Variants in CHODL observed in about 807,000 individuals in gnomAD.
The protein encoded by CHODL is chondrolectin.
A neutral mutation model predicts 34.5 loss-of-function variants in CHODL; 29 were observed. The ratio of observed to expected loss-of-function variants is 0.84; its 90% CI spans 0.63 to 1.15. The LOEUF is 1.15. Ranked by LOEUF, CHODL falls within the 50% of genes most tolerant of loss-of-function variation. The probability of loss-of-function intolerance (pLI) is 0.00; values close to 1 mark genes in which losing one functional copy is unlikely to be tolerated. For synonymous variants in CHODL, 125 were observed against 116.1 expected, an observed-to-expected ratio of 1.08 and a Z score of -0.49; for missense variants, 332 against 332.5, an observed-to-expected ratio of 1.00 and a Z score of 0.01.
chr21:18,013,810 T>G (rs1343409184), intron 1 of CHODL, among the ~76,000 whole-genome samples: 1 of 151,714 alleles, frequency 6.6e-6, no homozygotes, highest in Admixed American at 6.6e-5. Flanking sequence ...AATTTTTGTA[T>G]TTTTAGTAGA....
intron 1 of CHODL, among the ~76,000 whole-genome samples, chr21:18,245,724 G>C (rs1270187342): frequency 1.3e-5 from 2 of 152,152 alleles, no homozygotes; most frequent in African/African-American, 4.8e-5. Flanking sequence ...CTGGACTTTG[G>C]TCCCAGCACC....
intron 1 of CHODL, among the ~76,000 whole-genome samples, chr21:18,248,706 T>TA (rs1568955323): frequency 0.02 from 2,308 of 117,868 alleles, 106 homozygotes; most frequent in African/African-American, 0.086. Flanking sequence ...TATATATGTA[T>TA]ATAATATATA....
At chr21:18,049,679 T>C (rs950151264) in intron 2 of CHODL, among the ~76,000 whole-genome samples, 7 of 151,946 alleles carry the variant, frequency 4.6e-5, no homozygotes, top group Non-Finnish European at 1.0e-4. Context: ...CACATGGCCT[T>C]TGCTCTGTGT....
At chr21:18,062,180 A>G (rs1358750193) in intron 2 of CHODL, among the ~76,000 whole-genome samples, 1 of 152,148 alleles carries the variant, frequency 6.6e-6, no homozygotes, top group Non-Finnish European at 1.5e-5. Context: ...CACAAAGTTT[A>G]AACTTTTGAG....
intron 2 of CHODL, among the ~76,000 whole-genome samples, chr21:18,229,648 G>A (rs2073961529): frequency 6.6e-6 from 1 of 152,082 alleles, no homozygotes; most frequent in Non-Finnish European, 1.5e-5. Flanking sequence ...GGGGAGAATG[G>A]ATATTTGTGG....
chr21:18,262,610 T>G (rs906789029), intron 4 of CHODL, among the ~76,000 whole-genome samples, 181 bp from the exon 5 acceptor site: 2 of 152,334 alleles, frequency 1.3e-5, no homozygotes, highest in Non-Finnish European at 2.9e-5. Flanking sequence ...GACTGAAATG[T>G]CACTATGTGG....
intron 4 of CHODL, among the ~76,000 whole-genome samples, chr21:18,261,052 C>T (rs981921454): frequency 6.6e-6 from 1 of 151,984 alleles, no homozygotes; most frequent in African/African-American, 2.4e-5. Flanking sequence ...GCTCAGATAC[C>T]CTATTGCTCA....
intron 1 of CHODL, among the ~76,000 whole-genome samples, chr21:17,938,493 T>TTTTTGAG (rs1568806953): frequency 3.7e-5 from 2 of 54,032 alleles, no homozygotes; most frequent in Admixed American, 2.7e-4. Context: ...TTTTTTTTTT[T>TTTTTGAG]AAGGAAAGGG....
At chr21:17,923,302 A>G (rs559341337) in intron 1 of CHODL, among the ~76,000 whole-genome samples, 57 of 151,130 alleles carry the variant, frequency 3.8e-4, no homozygotes, top group Non-Finnish European at 8.0e-4. Flanking sequence ...CAAAGTCTGC[A>G]TTATCACCAT....
At chr21:18,111,005 T>C (rs1324616451) in intron 2 of CHODL, among the ~76,000 whole-genome samples, 1 of 152,206 alleles carries the variant, frequency 6.6e-6, no homozygotes, top group Non-Finnish European at 1.5e-5. Flanking sequence ...GTGCTGTATC[T>C]TATGTAGATT....
At chr21:18,226,716 C>A (rs2146748279) in intron 2 of CHODL, among the ~76,000 whole-genome samples, 1 of 151,936 alleles carries the variant, frequency 6.6e-6, no homozygotes, top group East Asian at 1.9e-4. Context: ...ATAATCACAG[C>A]CCTCTAGAAC....
intron 1 of CHODL, among the ~76,000 whole-genome samples, chr21:18,020,374 CAT>C (rs1262949742): frequency 6.6e-6 from 1 of 152,076 alleles, no homozygotes; most frequent in Non-Finnish European, 1.5e-5. Flanking sequence ...GCTGCAAGCA[CAT>C]GTCAAATTAT....
chr21:18,181,179 A>G lies in CHODL; in HGVS notation c.-44-75330A>G, dbSNP rs79279621. 1.7e-3 allele frequency among the ~76,000 whole-genome samples: 266 copies of G among 152,288 alleles called. 2 individuals are homozygous for G. Among genetic ancestry groups the G allele is most frequent in the East Asian group, 8.7e-3 (45 of 5,182 alleles). On this transcript the variant is annotated intron_variant, in intron 2 of 6. Transcript: ENST00000400127. ...GAAGGGAAGGGTGATATGTAATTTA[A>G]CCTGGCACAAATGAATTGTGAACTG...
intron 2 of CHODL, among the ~76,000 whole-genome samples, chr21:18,167,209 CTCTGTGTGTGTGTGTGTGTGTGTG>C (rs1271646164): frequency 1.5e-5 from 2 of 129,066 alleles, no homozygotes; most frequent in African/African-American, 2.9e-5. Flanking sequence ...ATTTCTCTCT[CTCTGTGTGTGTGTGTGTGTGTGTG>C]TGTGTGTGTG....
intron 2 of CHODL, among the ~76,000 whole-genome samples, chr21:18,092,818 G>T (rs1165893205): frequency 6.6e-6 from 1 of 152,156 alleles, no homozygotes; most frequent in Non-Finnish European, 1.5e-5. Flanking sequence ...TCACCTGTAA[G>T]ATCTAGAAAA....
upstream of CHODL, among the ~76,000 whole-genome samples, chr21:18,243,026 A>C (rs1375714249): frequency 6.6e-6 from 1 of 152,130 alleles, no homozygotes; most frequent in African/African-American, 2.4e-5. Flanking sequence ...GTGGCATGAA[A>C]GGGGAAAGGA....
In CHODL at chr21:17,971,239, G is replaced by T. The variant is rs573193541; in HGVS notation, c.-145+53839G>T. 8.5e-5 allele frequency among the ~76,000 whole-genome samples: 13 copies of T among 152,262 alleles called. No homozygotes were observed. In the East Asian group the frequency reaches 2.1e-3, roughly 25 times the overall value. Reference sequence around the variant, plus strand: ...AGTAGAATGATTTATAATCCTTTGCGTGTATACCCAGTAATGGGATTGCTG... The same window carrying T: ...AGTAGAATGATTTATAATCCTTTGCTTGTATACCCAGTAATGGGATTGCTG... On this transcript the variant is annotated intron_variant, in intron 1 of 6. Coordinates refer to the CHODL transcript ENST00000400127.
chr21:18,063,932 A>C (rs1347582141), intron 2 of CHODL, among the ~76,000 whole-genome samples: 1 of 152,010 alleles, frequency 6.6e-6, no homozygotes, highest in Non-Finnish European at 1.5e-5. Flanking sequence ...CCTCAGTGTG[A>C]CTAGCTGCTT....
intron 2 of CHODL, among the ~76,000 whole-genome samples, chr21:18,235,165 G>A (rs1225294002): frequency 1.3e-5 from 2 of 152,042 alleles, no homozygotes; most frequent in Non-Finnish European, 2.9e-5. Flanking sequence ...AAGATAAAGA[G>A]GGTCAGAATT....
Sources: allele counts gnomAD v4.1 joint callset (sites outside exome capture counted in the v4.1 genomes callset), GRCh38; gene constraint gnomAD v4.1.1; transcripts MANE v1.5; gene names NCBI Gene and HGNC (gene_info 2026-07-23, HGNC 2026-07-21).